The following RB1 variants were observed in gnomAD, a reference collection of about 807,000 sequenced individuals.
RB1 encodes RB transcriptional corepressor 1, also known as retinoblastoma-associated protein.
RB1 carries 18 observed loss-of-function variants against 135.4 expected under a neutral mutation model. That is an observed-to-expected ratio of 0.13 (90% CI 0.09 to 0.20). The LOEUF is 0.20. Ranked by LOEUF, RB1 falls within the 10% of genes least tolerant of loss-of-function variation. The pLI is 1.00. For missense variants in RB1, 868 were observed against 1,110.0 expected (o/e 0.78, Z 3.10); for synonymous variants, 365 against 373.2 (o/e 0.98, Z 0.25).
chr13:48,457,902 T>C (rs1330691808), intron 19 of RB1, among the ~76,000 whole-genome samples: 1 of 152,094 alleles, frequency 6.6e-6, no homozygotes, highest in Non-Finnish European at 1.5e-5. Context: ...CGGTGGCAGT[T>C]GGGGGGTGCC....
intron 1 of RB1, among the ~76,000 whole-genome samples, chr13:48,305,513 T>C (rs1188653108): frequency 6.6e-6 from 1 of 152,236 alleles, no homozygotes; most frequent in Non-Finnish European, 1.5e-5. Flanking sequence ...TTCCATGTTA[T>C]GCACACAGCT....
At position 48,476,749 on chromosome 13, in the gene RB1, C is replaced by G. The variant is rs1032510984; in HGVS notation, c.2569C>G (p.Arg857Gly). ...KINQMVCNSD[R>G]VLKRSAEGSN... ...AAATCAGATGGTATGTAACAGCGAC[C>G]GTGTGCTCAAAAGAAGTGCTGAAGG... Residue 857 changes from arginine (R) to glycine (G), a missense_variant, in exon 25 of 27, where the codon CGT (arginine) becomes GGT (glycine). This residue lies in a region of RB1 where 196 missense variants were observed against 239.8 expected (regional missense o/e 0.82). Transcript: ENST00000267163. 1.2e-6 allele frequency: 2 copies of G among 1,613,374 alleles called. No individual in the cohort carries two copies. The highest frequency in any genetic ancestry group is 3.3e-5 in the Admixed American group (2 of 59,946).
intron 17 of RB1, among the ~76,000 whole-genome samples, chr13:48,438,357 G>A (rs425834): frequency 0.78 from 118,927 of 151,964 alleles, 52,226 homozygotes; most frequent in Non-Finnish European, 0.97. Context: ...TCTTGCTTCT[G>A]AGCACACTAT....
At chr13:48,425,798 G>A (rs1949071037) in intron 17 of RB1, among the ~76,000 whole-genome samples, 1 of 152,132 alleles carries the variant, frequency 6.6e-6, no homozygotes, top group Non-Finnish European at 1.5e-5. Flanking sequence ...TCAGCTCTTA[G>A]CTTTCTATCT....
chr13:48,423,659 T>C (rs952116691), intron 17 of RB1, among the ~76,000 whole-genome samples: 4 of 152,036 alleles, frequency 2.6e-5, no homozygotes, highest in East Asian at 1.9e-4. Flanking sequence ...GTACATAACA[T>C]TGAGAACAGG....
intron 17 of RB1, among the ~76,000 whole-genome samples, chr13:48,419,668 G>A (rs913057663): frequency 9.9e-5 from 15 of 151,508 alleles, no homozygotes; most frequent in Admixed American, 5.9e-4. Flanking sequence ...AAAGAGAGAA[G>A]AATCAAATAG....
intron 2 of RB1, among the ~76,000 whole-genome samples, chr13:48,332,342 G>A (rs1358805178): frequency 1.3e-5 from 2 of 152,196 alleles, no homozygotes; most frequent in Non-Finnish European, 1.5e-5. Context: ...ACCAAGATAG[G>A]AGGATTGCTT....
chr13:48,429,519 A>C (rs1327231453), intron 17 of RB1: 1 of 152,026 alleles, frequency 6.6e-6, no homozygotes, highest in Non-Finnish European at 1.5e-5. Flanking sequence ...TTCTGTCCTC[A>C]CCCTGCACAT....
intron 9 of RB1, 28 bp downstream of exon 9, chr13:48,364,999 A>G (rs145248208): frequency 6.4e-7 from 1 of 1,550,568 alleles, no homozygotes; most frequent in Non-Finnish European, 8.7e-7. Flanking sequence ...TTAATAAAAT[A>G]TTAATGTTTT....
chr13:48,314,914 G>A (rs1175843597), intron 2 of RB1, among the ~76,000 whole-genome samples: 4 of 152,156 alleles, frequency 2.6e-5, no homozygotes, highest in South Asian at 2.1e-4. Flanking sequence ...TTGCTACTTC[G>A]TATCCTTTGA....
At chr13:48,306,129 G>C (rs1952078321) in intron 1 of RB1, among the ~76,000 whole-genome samples, 1 of 152,072 alleles carries the variant, frequency 6.6e-6, no homozygotes, top group African/African-American at 2.4e-5. Flanking sequence ...AGCTGACCAG[G>C]CATGTTGGCT....
intron 2 of RB1, among the ~76,000 whole-genome samples, chr13:48,332,030 A>T (rs963214911): frequency 1.3e-5 from 2 of 152,204 alleles, no homozygotes; most frequent in African/African-American, 4.8e-5. Context: ...TCTGTTATAT[A>T]TATTGGAATT....
chr13:48,372,775 T>C (rs942381766), intron 11 of RB1, among the ~76,000 whole-genome samples: 1 of 152,246 alleles, frequency 6.6e-6, no homozygotes, highest in South Asian at 2.1e-4. Flanking sequence ...CCCTAAACAT[T>C]CTACAGTTCT....
chr13:48,367,154 A>G (rs995394526), intron 9 of RB1, among the ~76,000 whole-genome samples: 20 of 151,326 alleles, frequency 1.3e-4, no homozygotes, highest in Non-Finnish European at 1.9e-4. Context: ...AAAGTAAAGC[A>G]TATATGGGAT....
rs2138107825 is a variant in RB1, at chr13:48,360,076, C to T, written c.667C>T (p.Leu223Phe). The stretch of plus-strand genomic sequence containing the variant: ...TTCATTTCAGTTAATGCTATGTGTC[C>T]TTGACTATTTTATTAAACTCTCACC... ...VISFQLMLCV[L>F]DYFIKLSPPM... is the part of the protein sequence containing the mutation. The change falls in exon 7 of 27, where the codon CTT becomes TTT. Residue 223 changes from leucine (L) to phenylalanine (F), a missense_variant. By Grantham distance (22) the Leu-to-Phe change is conservative. Around this residue, in one of 3 missense-constraint regions of RB1, gnomAD observed 641 missense variants for 791.3 expected, o/e 0.81. Coordinates refer to ENST00000267163, the MANE Select transcript of RB1 (RefSeq NM_000321.3). The T allele has an allele frequency of 1.2e-6, 2 of 1,612,500 alleles. No individual in the cohort carries two copies. Among genetic ancestry groups the T allele is most frequent in the Non-Finnish European group, 1.7e-6 (2 of 1,179,218 alleles).
intron 2 of RB1, among the ~76,000 whole-genome samples, chr13:48,308,685 A>T (rs1156353501): frequency 1.3e-5 from 2 of 152,082 alleles, no homozygotes; most frequent in Non-Finnish European, 2.9e-5. Context: ...AGAACTTTAC[A>T]AATCTACGAA....
chr13:48,379,456 A>T, intron 13 of RB1, 138 bp from the exon 14 acceptor site: 1 of 1,124,598 alleles, frequency 8.9e-7, no homozygotes, highest in Non-Finnish European at 1.3e-6. Flanking sequence ...AGGCCAAAGC[A>T]GGAGGATCTC....
intron 17 of RB1, among the ~76,000 whole-genome samples, chr13:48,437,604 G>T (rs911999188): frequency 2.0e-5 from 3 of 152,132 alleles, no homozygotes; most frequent in Non-Finnish European, 2.9e-5. Context: ...TTGTTGGCAG[G>T]CCTCAGTTCT....
In RB1 at chr13:48,390,129, A is replaced by G. The variant is rs182774946; in HGVS notation, c.1695+8686A>G. ...ACCACAGCACACCAGCCTGGGTGGTAGAATGAGATCCTGCCTCAAAAACAA... is the reference window on the plus strand; with the variant it reads ...ACCACAGCACACCAGCCTGGGTGGTGGAATGAGATCCTGCCTCAAAAACAA... On this transcript the variant is annotated intron_variant, in intron 17 of 26. Coordinates refer to ENST00000267163, the MANE Select transcript of RB1 (RefSeq NM_000321.3). Among the ~76,000 whole-genome samples, 53 of 152,302 alleles carry G rather than the reference A, an allele frequency of 3.5e-4. 1 individual carries two copies. The East Asian group carries it at 8.7e-3, about 25-fold the overall frequency.
Sources: allele counts gnomAD v4.1 joint callset (sites outside exome capture counted in the v4.1 genomes callset), GRCh38; gene constraint gnomAD v4.1.1; regional missense constraint gnomAD v4.1.1; transcripts MANE v1.5; gene names NCBI Gene and HGNC (gene_info 2026-07-23, HGNC 2026-07-21).